IMMP2L: variants seen among roughly 807,000 people sequenced by gnomAD.
The protein encoded by IMMP2L is mitochondrial inner membrane protease subunit 2.
In IMMP2L, 18 loss-of-function variants were observed where a neutral mutation model predicts 19.3. The ratio of observed to expected loss-of-function variants is 0.93; its 90% CI spans 0.64 to 1.38. The LOEUF is 1.38. IMMP2L is among the 40% of genes most tolerant of loss of function. The probability of loss-of-function intolerance (pLI) is 0.00; values close to 1 mark genes in which losing one functional copy is unlikely to be tolerated. For missense variants in IMMP2L, 233 were observed against 218.2 expected (o/e 1.07, Z -0.43); for synonymous variants, 76 against 73.0 (o/e 1.04, Z -0.21).
At chr7:111,147,292 C>T (rs1439102595) in intron 3 of IMMP2L, among the ~76,000 whole-genome samples, 1 of 151,968 alleles carries the variant, frequency 6.6e-6, no homozygotes, top group Non-Finnish European at 1.5e-5. Context: ...CCTCAAATAT[C>T]TTGTGATTGA....
At chr7:111,331,097 A>C (rs1825830019) in intron 3 of IMMP2L, among the ~76,000 whole-genome samples, 1 of 151,932 alleles carries the variant, frequency 6.6e-6, no homozygotes, top group Admixed American at 6.6e-5. Flanking sequence ...AAAAGATTTG[A>C]AATCAGTTTG....
intron 3 of IMMP2L, chr7:111,390,580 C>A (rs748310867): frequency 2.6e-5 from 4 of 152,048 alleles, no homozygotes; most frequent in South Asian, 4.1e-4. Context: ...CCTTCTCATG[C>A]GGTGTGACAG....
chr7:111,475,623 A>G (rs1389319444), intron 3 of IMMP2L, among the ~76,000 whole-genome samples: 5 of 152,114 alleles, frequency 3.3e-5, no homozygotes, highest in Non-Finnish European at 5.9e-5. Context: ...AGAGATATGG[A>G]GATAACCAGA....
chr7:111,140,364 G>T (rs2089138142), intron 3 of IMMP2L, among the ~76,000 whole-genome samples: 1 of 152,132 alleles, frequency 6.6e-6, no homozygotes, highest in Non-Finnish European at 1.5e-5. Flanking sequence ...CAATGACCTG[G>T]CTAATATGAA....
intron 4 of IMMP2L, 57 bp from the exon 5 acceptor site, chr7:110,886,752 G>A (rs1810263890): frequency 1.2e-6 from 1 of 807,980 alleles, no homozygotes; most frequent in Non-Finnish European, 2.1e-6. Context: ...CAAACTGCTG[G>A]GCATACAAAC....
intron 3 of IMMP2L, among the ~76,000 whole-genome samples, chr7:111,077,414 T>C (rs1187759060): frequency 6.6e-6 from 1 of 152,230 alleles, no homozygotes; most frequent in African/African-American, 2.4e-5. Flanking sequence ...TATAGCACCA[T>C]TATCCACATA....
chr7:111,104,088 C>T (rs1438572002), intron 3 of IMMP2L, among the ~76,000 whole-genome samples: 2 of 151,712 alleles, frequency 1.3e-5, no homozygotes, highest in Non-Finnish European at 1.5e-5. Flanking sequence ...AACAACTCTT[C>T]ATATCTCTGA....
chr7:111,048,230 C>T, intron 3 of IMMP2L, among the ~76,000 whole-genome samples: 2 of 89,806 alleles, frequency 2.2e-5, no homozygotes, highest in South Asian at 9.1e-4. Context: ...CAGAGCGAGA[C>T]TCTGTCTCAA....
chr7:111,340,219 T>C (rs571356969), intron 3 of IMMP2L, among the ~76,000 whole-genome samples: 8 of 152,168 alleles, frequency 5.3e-5, no homozygotes, highest in South Asian at 2.1e-4. Context: ...AATATATCTA[T>C]AGTAATTCAA....
chr7:111,066,178 T>C (rs923584454), intron 3 of IMMP2L, among the ~76,000 whole-genome samples: 1 of 151,866 alleles, frequency 6.6e-6, no homozygotes, highest in African/African-American at 2.4e-5. Flanking sequence ...AGATGGGGCT[T>C]CTCCATATTG....
intron 3 of IMMP2L, among the ~76,000 whole-genome samples, chr7:111,256,660 T>C (rs1181987582): frequency 6.6e-6 from 1 of 152,028 alleles, no homozygotes; most frequent in African/African-American, 2.4e-5. Flanking sequence ...AAAGTTCTTT[T>C]AAATCGAGTA....
chr7:111,149,095 G>C (rs1288593137), intron 3 of IMMP2L, among the ~76,000 whole-genome samples: 1 of 152,120 alleles, frequency 6.6e-6, no homozygotes, highest in African/African-American at 2.4e-5. Flanking sequence ...AAGTAATACA[G>C]TAAGTAGTTA....
In IMMP2L at chr7:110,712,085, T is replaced by A. The variant is rs1176806085; in HGVS notation, c.409-48364A>T. Reference sequence around the variant, plus strand: ...CGTTCCTTTGGAGGAGGAGAGGCGCTCTGCGTTTTAGAGTTTCCAGTTTTT... The same window carrying A: ...CGTTCCTTTGGAGGAGGAGAGGCGCACTGCGTTTTAGAGTTTCCAGTTTTT... On this transcript the variant is annotated intron_variant, in intron 5 of 5. Coordinates refer to ENST00000405709, the MANE Select transcript of IMMP2L (RefSeq NM_032549.4). Among the ~76,000 whole-genome samples, 66 of 59,916 alleles carry A rather than the reference T, an allele frequency of 1.1e-3. 18 individuals carry two copies. The Admixed American group carries it at 0.012, about 11-fold the overall frequency. The allele number at this position is 59,916 out of a possible 152,430, so 39.3% of individuals were successfully genotyped here. A position where few individuals can be genotyped will look rare whatever the true frequency, so the allele number is the denominator to read the frequency against.
At chr7:110,963,050 G>T (rs571304342) in intron 4 of IMMP2L, 12 of 1,519,450 alleles carry the variant, frequency 7.9e-6, no homozygotes, top group Middle Eastern at 1.7e-4. Context: ...TCACTGATTC[G>T]GAAGTTTCTG....
chr7:111,184,369 T>C (rs6466375), intron 3 of IMMP2L, among the ~76,000 whole-genome samples: 122,877 of 151,976 alleles, frequency 0.81, 51,192 homozygotes, highest in East Asian at 0.91. Context: ...AATTATGTTG[T>C]ACAGAATGAA....
intron 3 of IMMP2L, among the ~76,000 whole-genome samples, chr7:111,177,955 A>G (rs933660219): frequency 2.6e-5 from 4 of 152,048 alleles, no homozygotes; most frequent in African/African-American, 9.7e-5. Flanking sequence ...TAAAAATGAG[A>G]TTAACTTGAT....
chr7:110,731,190 T>G (rs985268197), intron 5 of IMMP2L, among the ~76,000 whole-genome samples: 8 of 152,188 alleles, frequency 5.3e-5, no homozygotes, highest in Admixed American at 5.2e-4. Flanking sequence ...GGAAATTACA[T>G]ATACATATGT....
chr7:110,703,699 C>T (rs994450646), intron 5 of IMMP2L, among the ~76,000 whole-genome samples: 2 of 152,100 alleles, frequency 1.3e-5, no homozygotes, highest in African/African-American at 2.4e-5. Flanking sequence ...GAAAACAAAA[C>T]ATTGATGTTT....
Position 110,924,533 on chromosome 7 carries a change from T to A in IMMP2L, c.306-37838A>T, listed in dbSNP as rs529491787. Among the ~76,000 whole-genome samples, 1 of 152,122 alleles carries A rather than the reference T, an allele frequency of 6.6e-6. No individual in the cohort carries two copies. The highest frequency in any genetic ancestry group is 1.5e-5 in the Non-Finnish European group (1 of 68,006). On this transcript the variant is annotated intron_variant, in intron 4 of 5. Transcript: ENST00000405709. This position sits in a 1 kb window ranked among gnomAD's most constrained non-coding sequence, Gnocchi z 4.2. ...GGAACTGGGCAGGCCGGTTTTAATA[T>A]TAGATATTCTAATAATGTAAATAAA...
Sources: gnomAD v4.1 joint callset for allele counts (sites outside exome capture counted in the v4.1 genomes callset) on GRCh38, gnomAD v4.1.1 for gene constraint, Gnocchi (gnomAD v3.1) non-coding constraint, MANE v1.5 for transcripts, NCBI Gene and HGNC (gene_info 2026-07-23, HGNC 2026-07-21) for gene names.